The following SLC9A8 variants were observed in gnomAD, a reference collection of about 807,000 sequenced individuals.
The protein encoded by SLC9A8 is solute carrier family 9 member A8.
Under a neutral mutation model 66.6 loss-of-function variants are expected in SLC9A8, and 48 were observed. The ratio of observed to expected loss-of-function variants is 0.72; its 90% CI spans 0.57 to 0.92. The LOEUF is 0.92. Among genes scored for constraint, SLC9A8 ranks in the 40% least tolerant of loss-of-function variants. The probability of loss-of-function intolerance (pLI) is 0.00; values close to 1 mark genes in which losing one functional copy is unlikely to be tolerated. For synonymous variants in SLC9A8, 274 were observed against 282.6 expected (o/e 0.97, Z 0.31); for missense variants, 599 against 747.3 (o/e 0.80, Z 2.31).
intron 3 of SLC9A8, among the ~76,000 whole-genome samples, chr20:49,838,536 T>C (rs547071092): frequency 6.6e-6 from 1 of 152,316 alleles, no homozygotes; most frequent in South Asian, 2.1e-4. Context: ...AAAGTGAAAA[T>C]GAACTTATCT....
At chr20:49,868,534 G>C (rs1467619605) in intron 10 of SLC9A8, among the ~76,000 whole-genome samples, 1 of 152,202 alleles carries the variant, frequency 6.6e-6, no homozygotes, top group Non-Finnish European at 1.5e-5. Context: ...CTGATCTCAA[G>C]TGGTTCCCAA....
chr20:49,824,347 A>G (rs1006469888), intron 3 of SLC9A8, among the ~76,000 whole-genome samples: 2 of 152,238 alleles, frequency 1.3e-5, no homozygotes, highest in South Asian at 2.1e-4. Flanking sequence ...AGATAGTCAT[A>G]GAGCTCTAAG....
At chr20:49,813,084 G>A (rs1416237134) in intron 1 of SLC9A8, 136 bp downstream of exon 1, 1 of 467,876 alleles carries the variant, frequency 2.1e-6, no homozygotes. Context: ...CCAAGCCGGT[G>A]CCTACGAGGA....
At chr20:49,887,366 G>T (rs553361376) in intron 15 of SLC9A8, among the ~76,000 whole-genome samples, 1 of 152,050 alleles carries the variant, frequency 6.6e-6, no homozygotes, top group Non-Finnish European at 1.5e-5. Context: ...TCCACTCTCC[G>T]GCAGGCCTGA....
intron 2 of SLC9A8, among the ~76,000 whole-genome samples, chr20:49,822,588 C>T (rs2086780247): frequency 6.6e-6 from 1 of 152,176 alleles, no homozygotes; most frequent in Non-Finnish European, 1.5e-5. Flanking sequence ...AGTTGGAGAC[C>T]AGCCTGTGCA....
chr20:49,853,126 A>C (rs2096444171), intron 7 of SLC9A8, among the ~76,000 whole-genome samples: 2 of 152,164 alleles, frequency 1.3e-5, no homozygotes, highest in Non-Finnish European at 2.9e-5. Context: ...TGTATCCTGC[A>C]GGGGTAGGAG....
intron 15 of SLC9A8, 128 bp from the exon 16 acceptor site, chr20:49,887,701 G>A: frequency 1.6e-6 from 1 of 641,564 alleles, no homozygotes; most frequent in Non-Finnish European, 2.8e-6. Context: ...AACTGAAGTT[G>A]CCTGTGGCCA....
At chr20:49,872,930 T>G (rs1397018938) in intron 10 of SLC9A8, among the ~76,000 whole-genome samples, 1 of 152,192 alleles carries the variant, frequency 6.6e-6, no homozygotes, top group East Asian at 1.9e-4. Flanking sequence ...TAAGACAATC[T>G]CAGCTTCCTT....
intron 12 of SLC9A8, among the ~76,000 whole-genome samples, chr20:49,879,361 T>C (rs1396046843): frequency 6.6e-6 from 1 of 152,242 alleles, no homozygotes; most frequent in African/African-American, 2.4e-5. Flanking sequence ...CTTCCTGCCT[T>C]GTCAACTTGG....
intron 3 of SLC9A8, among the ~76,000 whole-genome samples, chr20:49,838,911 T>C (rs1305831810): frequency 6.6e-6 from 1 of 152,198 alleles, no homozygotes; most frequent in Non-Finnish European, 1.5e-5. Context: ...GAGTCGTTTA[T>C]CTAGGGAGTA....
intron 3 of SLC9A8, chr20:49,830,328 A>G: frequency 1.9e-6 from 2 of 1,029,636 alleles, no homozygotes; most frequent in East Asian, 2.4e-5. Flanking sequence ...CACTGCCAAG[A>G]AACGTGATTT....
chr20:49,815,355 ACT>A (rs2086510375), intron 2 of SLC9A8, 166 bp downstream of exon 2: 7 of 446,038 alleles, frequency 1.6e-5, no homozygotes, highest in Non-Finnish European at 2.7e-5. Context: ...TTAACAGGAA[ACT>A]CTCTTCTTTA....
chr20:49,844,329 G>C (rs933773287), intron 4 of SLC9A8, among the ~76,000 whole-genome samples: 3 of 152,096 alleles, frequency 2.0e-5, no homozygotes, highest in Non-Finnish European at 4.4e-5. Context: ...TTTAGGGCTT[G>C]CCATTACCTT....
chr20:49,813,098 CG>C, intron 1 of SLC9A8, 150 bp downstream of exon 1: 1 of 152,246 alleles, frequency 6.6e-6, no homozygotes, highest in Non-Finnish European at 1.4e-5. Context: ...ACGAGGAGGG[CG>C]GGATGGGCGG....
Position 49,850,726 on chromosome 20 carries a change from G to A in SLC9A8, c.535-84G>A, listed in dbSNP as rs546482777. On this transcript the variant is annotated intron_variant, in intron 6 of 15. Coordinates refer to ENST00000361573, the MANE Select transcript of SLC9A8 (RefSeq NM_015266.3). ...TAATGTCCTTATTAGTTTTAATAAA[G>A]CACTAATGGACATTTAAATCTTGGC... The A allele has an allele frequency of 2.3e-3, 3,570 of 1,528,206 alleles. 11 individuals are homozygous for A. The highest frequency in any genetic ancestry group is 3.0e-3 in the Non-Finnish European group (3,402 of 1,122,094). The allele number at this position is 1,528,206 out of a possible 1,614,324, so 94.7% of individuals were successfully genotyped here.
intron 3 of SLC9A8, among the ~76,000 whole-genome samples, chr20:49,834,214 T>A: frequency 8.9e-6 from 1 of 112,144 alleles, no homozygotes; most frequent in East Asian, 2.5e-4. Context: ...TATATATATA[T>A]ACACACACAC....
At chr20:49,826,000 G>C (rs886921233) in intron 3 of SLC9A8, among the ~76,000 whole-genome samples, 1 of 152,204 alleles carries the variant, frequency 6.6e-6, no homozygotes, top group African/African-American at 2.4e-5. Flanking sequence ...TTGGGAGTCA[G>C]CCAGAGCTCT....
intron 3 of SLC9A8, among the ~76,000 whole-genome samples, chr20:49,833,003 C>G (rs543629538): frequency 3.9e-5 from 6 of 152,026 alleles, no homozygotes; most frequent in Admixed American, 1.3e-4. Flanking sequence ...CCTCCCGGGT[C>G]CAAGCGATTC....
In SLC9A8 at chr20:49,863,037, C is replaced by G; in HGVS notation, c.822C>G (p.Leu274=). 6.2e-7 allele frequency: 1 copy of G among 1,613,694 alleles called. No homozygotes were observed. The highest frequency in any genetic ancestry group is 1.1e-5 in the South Asian group (1 of 90,920). ...FLKMFFGSAA[L]GTLTGLISAL... Reference sequence around the variant, plus strand: ...AAATGTTCTTTGGCTCTGCAGCGCTCGGCACTCTCACTGGCTTAATTTCTG... The same window carrying G: ...AAATGTTCTTTGGCTCTGCAGCGCTGGGCACTCTCACTGGCTTAATTTCTG... Residue 274 remains leucine (L), a synonymous_variant, in exon 9 of 16, where the codon CTC becomes CTG. Coordinates refer to ENST00000361573, the MANE Select transcript of SLC9A8 (RefSeq NM_015266.3).
Sources: allele counts gnomAD v4.1 joint callset (sites outside exome capture counted in the v4.1 genomes callset), GRCh38; gene constraint gnomAD v4.1.1; transcripts MANE v1.5; gene names NCBI Gene and HGNC (gene_info 2026-07-23, HGNC 2026-07-21).